The following MAN1A1 variants were observed in gnomAD, a reference collection of about 807,000 sequenced individuals.
MAN1A1 encodes the protein mannosidase alpha class 1A member 1, also known as mannosyl-oligosaccharide 1,2-alpha-mannosidase IA.
Under a neutral mutation model 70.8 loss-of-function variants are expected in MAN1A1, and 29 were observed. The ratio of observed to expected loss-of-function variants is 0.41; its 90% CI spans 0.31 to 0.56. The LOEUF (loss-of-function observed/expected upper bound fraction) is 0.56, where lower values mean the gene tolerates loss of function less well. Ranked by LOEUF, MAN1A1 falls within the 20% of genes least tolerant of loss-of-function variation. The probability of loss-of-function intolerance (pLI) is 0.29; values close to 1 mark genes in which losing one functional copy is unlikely to be tolerated. For synonymous variants in MAN1A1, 349 were observed against 330.1 expected, an observed-to-expected ratio of 1.06 and a Z score of -0.62; for missense variants, 747 against 841.3, an observed-to-expected ratio of 0.89 and a Z score of 1.39.
intron 2 of MAN1A1, among the ~76,000 whole-genome samples, chr6:119,332,500 C>A (rs191927702): frequency 6.6e-6 from 1 of 152,238 alleles, no homozygotes; most frequent in African/African-American, 2.4e-5. Context: ...ACCAAAAATA[C>A]TTGGAAATTA....
At chr6:119,312,825 T>C (rs1056134178) in intron 2 of MAN1A1, among the ~76,000 whole-genome samples, 1 of 152,092 alleles carries the variant, frequency 6.6e-6, no homozygotes, top group African/African-American at 2.4e-5. Context: ...GGGGACAGGG[T>C]GTATATGGGA....
intron 4 of MAN1A1, among the ~76,000 whole-genome samples, chr6:119,296,937 A>G (rs1236725941): frequency 6.6e-6 from 1 of 152,218 alleles, no homozygotes; most frequent in Non-Finnish European, 1.5e-5. Context: ...TACAGCTTTA[A>G]GGAAAATTTT....
chr6:119,300,237 G>GT (rs1318708390), intron 4 of MAN1A1, among the ~76,000 whole-genome samples: 1 of 151,420 alleles, frequency 6.6e-6, no homozygotes, highest in Non-Finnish European at 1.5e-5. Context: ...TAGAACTGAA[G>GT]TTTTTTTGTT....
At chr6:119,205,341 C>G (rs1773831092) in intron 6 of MAN1A1, among the ~76,000 whole-genome samples, 1 of 152,146 alleles carries the variant, frequency 6.6e-6, no homozygotes, top group Non-Finnish European at 1.5e-5. Context: ...TTCAAAGATT[C>G]ACTAATTATA....
At chr6:119,260,016 T>C (rs1369228131) in intron 5 of MAN1A1, among the ~76,000 whole-genome samples, 1 of 152,204 alleles carries the variant, frequency 6.6e-6, no homozygotes, top group Non-Finnish European at 1.5e-5. Flanking sequence ...GTTCTATATA[T>C]ACTATTTCAT....
rs2005984 is a variant in MAN1A1, at chr6:119,185,830, A to T, written c.1719+2575T>A. ...TCCTGACCATGATCATGATCCACCCACTTTGGCCTCCCAGTTTTTTTTTTT... is the reference window on the plus strand; with the variant it reads ...TCCTGACCATGATCATGATCCACCCTCTTTGGCCTCCCAGTTTTTTTTTTT... On this transcript the variant is annotated intron_variant, in intron 11 of 12. Transcript: ENST00000368468. 2.7e-5 allele frequency among the ~76,000 whole-genome samples: 4 copies of T among 148,672 alleles called. No individual in the cohort carries two copies. In the South Asian group the frequency reaches 8.4e-4, roughly 31 times the overall value.
chr6:119,328,036 T>C (rs1315286191), intron 2 of MAN1A1, among the ~76,000 whole-genome samples: 1 of 152,164 alleles, frequency 6.6e-6, no homozygotes. Flanking sequence ...TGACAGCTCA[T>C]TTTTGGCCTT....
At chr6:119,190,416 C>T (rs1266889683) in intron 9 of MAN1A1, among the ~76,000 whole-genome samples, 3 of 152,190 alleles carry the variant, frequency 2.0e-5, no homozygotes, top group African/African-American at 7.2e-5. Context: ...AGCTCTGACA[C>T]TATCTCTAAT....
intron 2 of MAN1A1, among the ~76,000 whole-genome samples, chr6:119,346,641 G>A (rs1181021430): frequency 1.3e-5 from 2 of 152,186 alleles, no homozygotes; most frequent in Non-Finnish European, 2.9e-5. Context: ...TTAATATGTT[G>A]TCCTGAGTCT....
Position 119,188,651 on chromosome 6 carries a change from T to C in MAN1A1, c.1547-74A>G, listed in dbSNP as rs1000551207. ...TTACAGTCAATAACTTAAATGAAAC[T>C]AGAAAGTACAGTCATCCCTCAGTAT... On this transcript the variant is annotated intron_variant, in intron 10 of 12. Transcript: ENST00000368468. The C allele has an allele frequency of 4.5e-6, 6 of 1,332,664 alleles. No homozygotes were observed. The Admixed American group carries it at 8.1e-5, about 18-fold the overall frequency. The allele number at this position is 1,332,664 out of a possible 1,614,324, so 82.6% of individuals were successfully genotyped here.
At chr6:119,267,833 A>G (rs534147669) in intron 5 of MAN1A1, among the ~76,000 whole-genome samples, 54 of 152,322 alleles carry the variant, frequency 3.5e-4, no homozygotes, top group African/African-American at 1.3e-3. Flanking sequence ...TTTAAACCAC[A>G]GGCATCTCAT....
At chr6:119,347,244 T>A (rs1224599947) in intron 2 of MAN1A1, among the ~76,000 whole-genome samples, 2 of 152,238 alleles carry the variant, frequency 1.3e-5, no homozygotes, top group Non-Finnish European at 2.9e-5. Context: ...ATGACAATCC[T>A]GCTGCCTTCA....
At chr6:119,319,801 G>A (rs536948290) in intron 2 of MAN1A1, among the ~76,000 whole-genome samples, 1 of 152,294 alleles carries the variant, frequency 6.6e-6, no homozygotes, top group Admixed American at 6.5e-5. Context: ...TTCACAGCTA[G>A]AAGTGGCTAT....
intron 5 of MAN1A1, among the ~76,000 whole-genome samples, chr6:119,264,832 A>G (rs1455632827): frequency 6.6e-6 from 1 of 152,190 alleles, no homozygotes; most frequent in Non-Finnish European, 1.5e-5. Context: ...ATTTATATGT[A>G]AAGTAGCTAT....
At chr6:119,227,106 T>C (rs973958955) in intron 6 of MAN1A1, among the ~76,000 whole-genome samples, 1 of 152,194 alleles carries the variant, frequency 6.6e-6, no homozygotes, top group Non-Finnish European at 1.5e-5. Context: ...AGGATTGAAC[T>C]AGTATACACA....
intron 2 of MAN1A1, among the ~76,000 whole-genome samples, chr6:119,338,676 C>T (rs555630085): frequency 4.6e-5 from 7 of 152,312 alleles, no homozygotes; most frequent in Non-Finnish European, 8.8e-5. Flanking sequence ...CGCAGATCTC[C>T]AGAGAGGTCA....
At chr6:119,214,064 A>C (rs749631117) in intron 6 of MAN1A1, among the ~76,000 whole-genome samples, 3 of 152,100 alleles carry the variant, frequency 2.0e-5, no homozygotes, top group Non-Finnish European at 2.9e-5. Context: ...TCTTGGGTTC[A>C]AGCAATTCTC....
chr6:119,305,142 T>C (rs903868614), intron 3 of MAN1A1, among the ~76,000 whole-genome samples: 1 of 152,144 alleles, frequency 6.6e-6, no homozygotes, highest in African/African-American at 2.4e-5. Context: ...AAGTTCTTGA[T>C]TATGAAAAGT....
intron 2 of MAN1A1, among the ~76,000 whole-genome samples, chr6:119,327,755 G>C (rs978915170): frequency 6.6e-6 from 1 of 152,106 alleles, no homozygotes; most frequent in African/African-American, 2.4e-5. Context: ...GTGATTAGCT[G>C]AATTTGGCCA....
Sources: allele counts gnomAD v4.1 joint callset (sites outside exome capture counted in the v4.1 genomes callset), GRCh38; gene constraint gnomAD v4.1.1; transcripts MANE v1.5; gene names NCBI Gene and HGNC (gene_info 2026-07-23, HGNC 2026-07-21).